The following WDR70 variants were observed in gnomAD, a reference collection of about 807,000 sequenced individuals.
WDR70 encodes the protein WD repeat-containing protein 70.
In WDR70, 53 loss-of-function variants were observed where a neutral mutation model predicts 88.6. The observed-to-expected ratio is 0.60, with a 90% CI of 0.48 to 0.75. The LOEUF is 0.75. Among genes scored for constraint, WDR70 ranks in the 30% least tolerant of loss-of-function variants. The pLI, the probability that WDR70 is intolerant of heterozygous loss-of-function variation, is 0.00. For missense variants in WDR70, 610 were observed against 823.2 expected (o/e 0.74, Z 3.17); for synonymous variants, 280 against 270.0 (o/e 1.04, Z -0.36).
chr5:37,614,643 A>G (rs1010685481), intron 10 of WDR70, among the ~76,000 whole-genome samples: 1 of 152,200 alleles, frequency 6.6e-6, no homozygotes, highest in Non-Finnish European at 1.5e-5. Context: ...CTGCTTTTGT[A>G]TCATATTAGC....
intron 10 of WDR70, among the ~76,000 whole-genome samples, chr5:37,622,068 G>T (rs184436601): frequency 6.6e-6 from 1 of 152,088 alleles, no homozygotes; most frequent in African/African-American, 2.4e-5. Context: ...TGCGGGCTCT[G>T]TTCTGTTCCA....
At chr5:37,667,953 A>C (rs1745911929) in intron 10 of WDR70, among the ~76,000 whole-genome samples, 1 of 151,700 alleles carries the variant, frequency 6.6e-6, no homozygotes, top group African/African-American at 2.4e-5. Context: ...TTTGGCTTTT[A>C]ATATACTCAT....
intron 8 of WDR70, among the ~76,000 whole-genome samples, chr5:37,514,356 ATATG>A (rs1554145421): frequency 1.0e-3 from 55 of 54,364 alleles, no homozygotes; most frequent in Non-Finnish European, 2.2e-3. Flanking sequence ...ATATATATAT[ATATG>A]TATGTATGTA....
chr5:37,521,117 C>A (rs963031324), intron 9 of WDR70, among the ~76,000 whole-genome samples: 3 of 152,166 alleles, frequency 2.0e-5, no homozygotes, highest in African/African-American at 7.2e-5. Flanking sequence ...AAACTTTGTT[C>A]TCAAAACTGT....
intron 7 of WDR70, 71 bp from the exon 8 acceptor site, chr5:37,479,763 A>G: frequency 6.8e-7 from 1 of 1,478,752 alleles, no homozygotes; most frequent in South Asian, 1.4e-5. Flanking sequence ...TTTTTCTGGC[A>G]ATACTTAATG....
At chr5:37,701,747 C>A (rs1747169572) in intron 12 of WDR70, among the ~76,000 whole-genome samples, 1 of 146,830 alleles carries the variant, frequency 6.8e-6, no homozygotes, top group South Asian at 2.1e-4. Flanking sequence ...GATTGCGCCA[C>A]TGCACTCCAG....
intron 9 of WDR70, among the ~76,000 whole-genome samples, chr5:37,558,971 G>A (rs899196325): frequency 1.3e-5 from 2 of 149,544 alleles, no homozygotes; most frequent in African/African-American, 2.5e-5. Context: ...TAGCTCCGTC[G>A]CCTGGGCTGG....
intron 5 of WDR70, among the ~76,000 whole-genome samples, chr5:37,410,788 A>T (rs755371220): frequency 6.6e-6 from 1 of 152,194 alleles, no homozygotes; most frequent in Non-Finnish European, 1.5e-5. Flanking sequence ...CTTAGTTTCT[A>T]TATGGAAAAT....
intron 7 of WDR70, among the ~76,000 whole-genome samples, chr5:37,450,702 AAGAT>A (rs1420297566): frequency 6.6e-6 from 1 of 152,218 alleles, no homozygotes; most frequent in Non-Finnish European, 1.5e-5. Context: ...TTCAAATTAA[AAGAT>A]AGAAGTCATT....
At chr5:37,739,117 A>C (rs899388963) in intron 17 of WDR70, among the ~76,000 whole-genome samples, 1 of 152,236 alleles carries the variant, frequency 6.6e-6, no homozygotes, top group Non-Finnish European at 1.5e-5. Context: ...GGAAAATGCA[A>C]GGTTCACATC....
intron 9 of WDR70, among the ~76,000 whole-genome samples, chr5:37,598,962 A>G (rs1561917227): frequency 6.6e-6 from 1 of 152,210 alleles, no homozygotes; most frequent in East Asian, 1.9e-4. Flanking sequence ...CTTTCCAGTT[A>G]CAAGTTCTGA....
In WDR70 at chr5:37,394,759, A is replaced by G. The variant is rs143688242; in HGVS notation, c.297-1616A>G. Among the ~76,000 whole-genome samples, 15 of 152,306 alleles carry G rather than the reference A, an allele frequency of 9.8e-5. No homozygotes were observed. In the East Asian group the frequency reaches 2.9e-3, roughly 29 times the overall value. ...GTCAGCCGACAGAACTACAAGTGCAAAGACCTTGTTGTGAACCAAACTTAA... is the reference window on the plus strand; with the variant it reads ...GTCAGCCGACAGAACTACAAGTGCAGAGACCTTGTTGTGAACCAAACTTAA... On this transcript the variant is annotated intron_variant, in intron 4 of 17. Coordinates refer to ENST00000265107, the MANE Select transcript of WDR70 (RefSeq NM_018034.4).
At chr5:37,621,650 T>G (rs1744508773) in intron 10 of WDR70, among the ~76,000 whole-genome samples, 1 of 152,204 alleles carries the variant, frequency 6.6e-6, no homozygotes, top group Non-Finnish European at 1.5e-5. Context: ...ATGAGTAGAT[T>G]GCAAAAATTT....
chr5:37,599,925 C>A (rs1233207524), intron 9 of WDR70, among the ~76,000 whole-genome samples: 2 of 151,260 alleles, frequency 1.3e-5, no homozygotes, highest in Non-Finnish European at 2.9e-5. Flanking sequence ...GTATTTGGAG[C>A]CTTACTTTAC....
rs1404584205 is a variant in WDR70, at chr5:37,708,412, CAT to C, written c.1416+5329_1416+5330del. Among the ~76,000 whole-genome samples the C allele has an allele frequency of 3.3e-5, 5 of 151,652 alleles. No individual in the cohort carries two copies. The South Asian group carries it at 8.4e-4, about 25-fold the overall frequency. On this transcript the variant is annotated intron_variant, in intron 13 of 17. Transcript: ENST00000265107. Reference sequence around the variant, plus strand: ...GGTGTGGTATAAATGTTATATATAACATATAAAATTATACATAACATTGTATA... The same window carrying C: ...GGTGTGGTATAAATGTTATATATAACATAAAATTATACATAACATTGTATA...
chr5:37,411,010 C>T (rs1749505400), intron 5 of WDR70, among the ~76,000 whole-genome samples: 1 of 152,328 alleles, frequency 6.6e-6, no homozygotes, highest in South Asian at 2.1e-4. Flanking sequence ...ATTTTGATAG[C>T]TTATGAACCT....
Position 37,516,581 on chromosome 5 carries a change from C to T in WDR70, c.908C>T (p.Ser303Leu). 1 of 1,603,532 alleles carries T rather than the reference C, an allele frequency of 6.2e-7. No individual in the cohort carries two copies. Among genetic ancestry groups the T allele is most frequent in the Admixed American group, 1.7e-5 (1 of 59,914 alleles). Residue 303 changes from serine to leucine, a missense_variant, in exon 9 of 18, where the codon TCA becomes TTA. Coordinates refer to ENST00000265107, the MANE Select transcript of WDR70 (RefSeq NM_018034.4). ...PKIKGEFMTC[S>L]NDATVRTWEV... ...ATAAAGGGAGAATTTATGACTTGCT[C>T]AAATGATGCGTGAGTATTGTTGATA... is the stretch of plus-strand genomic sequence containing the variant.
chr5:37,413,821 A>G (rs1749602410), intron 5 of WDR70, among the ~76,000 whole-genome samples: 1 of 151,682 alleles, frequency 6.6e-6, no homozygotes, highest in Non-Finnish European at 1.5e-5. Context: ...TATTTCTGTG[A>G]TCATTAGTCT....
chr5:37,417,135 A>C (rs557619200), intron 5 of WDR70, among the ~76,000 whole-genome samples: 2 of 152,344 alleles, frequency 1.3e-5, no homozygotes, highest in East Asian at 1.9e-4. Flanking sequence ...TAAGTTATAA[A>C]GATAATCCAA....
Sources: allele counts gnomAD v4.1 joint callset (sites outside exome capture counted in the v4.1 genomes callset), GRCh38; gene constraint gnomAD v4.1.1; transcripts MANE v1.5; gene names NCBI Gene and HGNC (gene_info 2026-07-23, HGNC 2026-07-21).